The following MAGI1 variants were observed in gnomAD, a reference collection of about 807,000 sequenced individuals.
MAGI1 encodes the protein membrane associated guanylate kinase, WW and PDZ domain containing 1.
Under a neutral mutation model 139.9 loss-of-function variants are expected in MAGI1, and 58 were observed. That is an observed-to-expected ratio of 0.41 (90% confidence interval 0.34 to 0.52). The LOEUF (loss-of-function observed/expected upper bound fraction) is 0.52. MAGI1 is among the 20% of genes least tolerant of loss of function. MAGI1 has a pLI of 0.12. For synonymous variants in MAGI1, 812 were observed against 737.9 expected (o/e 1.10, Z -1.63); for missense variants, 1,874 against 1,901.6 (o/e 0.99, Z 0.27).
At chr3:65,584,979 C>T (rs1448390334) in intron 2 of MAGI1, among the ~76,000 whole-genome samples, 1 of 152,188 alleles carries the variant, frequency 6.6e-6, no homozygotes, top group Non-Finnish European at 1.5e-5. Context: ...AATTGATTCA[C>T]CTAAGTCAGT....
At chr3:65,555,225 C>T (rs990351526) in intron 2 of MAGI1, among the ~76,000 whole-genome samples, 1 of 152,210 alleles carries the variant, frequency 6.6e-6, no homozygotes, top group Non-Finnish European at 1.5e-5. Flanking sequence ...ATGCTAGGCC[C>T]TTCCAGAGGC....
intron 1 of MAGI1, among the ~76,000 whole-genome samples, chr3:66,017,305 G>C (rs1285966682): frequency 6.6e-6 from 1 of 152,218 alleles, no homozygotes; most frequent in Admixed American, 6.5e-5. Flanking sequence ...TGGAAAAACC[G>C]GGAAGCTCCG....
At chr3:65,880,847 C>T (rs1278958162) in intron 1 of MAGI1, among the ~76,000 whole-genome samples, 1 of 152,010 alleles carries the variant, frequency 6.6e-6, no homozygotes, top group Admixed American at 6.6e-5. Context: ...GGACACATCT[C>T]AGCAATATCT....
At chr3:65,909,999 A>G (rs1365359233) in intron 1 of MAGI1, among the ~76,000 whole-genome samples, 1 of 152,112 alleles carries the variant, frequency 6.6e-6, no homozygotes, top group East Asian at 1.9e-4. Flanking sequence ...TCACACTCCA[A>G]TGAGAATCTA....
At chr3:65,683,562 G>A (rs2087746561) in intron 1 of MAGI1, among the ~76,000 whole-genome samples, 1 of 151,470 alleles carries the variant, frequency 6.6e-6, no homozygotes, top group Non-Finnish European at 1.5e-5. Flanking sequence ...CAAGTATCTA[G>A]AACATATAAA....
Position 65,356,454 on chromosome 3 carries a change from G to A in MAGI1, c.4313C>T (p.Ala1438Val), listed in dbSNP as rs886154222. ...CGGGGGATGTCTGGAACTTCTGCCG[G>A]CATCCTGTTTCAGATTCGCCTCTTC... is the stretch of plus-strand genomic sequence containing the variant. ...EREEANLKQD[A>V]GRSSRHPPEQ... Residue 1438 changes from alanine (A) to valine (V), a missense_variant, in exon 23 of 23, where the codon GCC (alanine) becomes GTC (valine). By Grantham distance (64) the Ala-to-Val change is moderately conservative (BLOSUM62 0). Transcript: ENST00000402939. 2.5e-6 allele frequency: 4 copies of A among 1,611,578 alleles called. No homozygotes were observed. The highest frequency in any genetic ancestry group is 1.6e-4 in the Middle Eastern group (1 of 6,082).
At chr3:65,890,581 A>G (rs765103661) in intron 1 of MAGI1, among the ~76,000 whole-genome samples, 16 of 152,364 alleles carry the variant, frequency 1.1e-4, no homozygotes, top group Admixed American at 9.8e-4. Flanking sequence ...TTGCAAGAAC[A>G]TTCCAACTTT....
chr3:66,037,384 TCCCCCTCC>T (rs1328460917), intron 1 of MAGI1, among the ~76,000 whole-genome samples: 1 of 151,906 alleles, frequency 6.6e-6, no homozygotes, highest in Admixed American at 6.6e-5. Flanking sequence ...CTTCCCCCTC[TCCCCCTCC>T]CAAGTGTATG....
chr3:65,729,832 CA>C (rs2034004773), intron 1 of MAGI1, among the ~76,000 whole-genome samples: 1 of 152,178 alleles, frequency 6.6e-6, no homozygotes, highest in Admixed American at 6.5e-5. Flanking sequence ...GATTTTAAAA[CA>C]AGCCGTTAGC....
At chr3:65,796,816 G>A (rs185876795) in intron 1 of MAGI1, among the ~76,000 whole-genome samples, 178 of 152,230 alleles carry the variant, frequency 1.2e-3, no homozygotes, top group South Asian at 2.1e-3. Context: ...ATGGGAAAGC[G>A]GCCTTGTACT....
chr3:65,472,261 A>G (rs1950599813), intron 4 of MAGI1, among the ~76,000 whole-genome samples: 1 of 152,154 alleles, frequency 6.6e-6, no homozygotes, highest in Admixed American at 6.5e-5. Context: ...GAAGCCAACA[A>G]AGATTCATTT....
intron 1 of MAGI1, among the ~76,000 whole-genome samples, chr3:65,935,729 A>C (rs2063020263): frequency 6.6e-6 from 1 of 152,246 alleles, no homozygotes; most frequent in African/African-American, 2.4e-5. Context: ...TGAGCTCTGA[A>C]GAAAGGGCCT....
chr3:65,511,254 C>A (rs927299154), intron 2 of MAGI1, among the ~76,000 whole-genome samples: 2 of 150,060 alleles, frequency 1.3e-5, no homozygotes, highest in Non-Finnish European at 3.0e-5. Flanking sequence ...AACTAATGAG[C>A]AAAATAACCA....
intron 12 of MAGI1, among the ~76,000 whole-genome samples, chr3:65,410,704 T>C (rs1249450147): frequency 6.6e-6 from 1 of 152,106 alleles, no homozygotes; most frequent in Non-Finnish European, 1.5e-5. Flanking sequence ...GTATGCACAG[T>C]CAATCAATTT....
At chr3:65,431,009 T>A in intron 10 of MAGI1, 128 bp from the exon 11 acceptor site, 1 of 831,900 alleles carries the variant, frequency 1.2e-6, no homozygotes, top group Non-Finnish European at 1.9e-6. Flanking sequence ...TATAGCATCT[T>A]AAGAAAGTCC....
At chr3:65,915,280 T>A (rs994541528) in intron 1 of MAGI1, among the ~76,000 whole-genome samples, 3 of 152,216 alleles carry the variant, frequency 2.0e-5, no homozygotes, top group African/African-American at 7.2e-5. Context: ...ATATTTAGCA[T>A]TAATTCTGTT....
intron 1 of MAGI1, among the ~76,000 whole-genome samples, chr3:65,644,169 A>G (rs962965167): frequency 7.9e-5 from 12 of 152,184 alleles, no homozygotes; most frequent in African/African-American, 1.4e-4. Flanking sequence ...GGTGTCAGAT[A>G]AAACCATCTA....
rs563469250 is a variant in MAGI1 at position 65,493,623 on chromosome 3, G to T, written c.439C>A (p.Arg147=). 2 of 1,613,856 alleles carry T rather than the reference G, an allele frequency of 1.2e-6. No homozygotes were observed. The highest frequency in any genetic ancestry group is 3.3e-5 in the Admixed American group (2 of 59,994). ...LYRHAVPCTT[R]SPREGEVPGV... is the part of the protein sequence containing the mutation. Reference sequence around the variant, plus strand: ...GGCACTTCTCCTTCTCTGGGAGATCGGGTTGTGCCTGTAGCAGAAAATACA... The same window carrying T: ...GGCACTTCTCCTTCTCTGGGAGATCTGGTTGTGCCTGTAGCAGAAAATACA... Residue 147 remains arginine (R), a synonymous_variant, in exon 3 of 23, where the codon CGA becomes AGA. Coordinates refer to ENST00000402939, the MANE Select transcript of MAGI1 (RefSeq NM_001033057.2).
At chr3:65,461,970 T>C (rs1949827799) in intron 5 of MAGI1, among the ~76,000 whole-genome samples, 1 of 152,128 alleles carries the variant, frequency 6.6e-6, no homozygotes, top group African/African-American at 2.4e-5. Flanking sequence ...TTTGATAGGG[T>C]TGTTTTTTTC....
Sources: allele counts gnomAD v4.1 joint callset (sites outside exome capture counted in the v4.1 genomes callset), GRCh38; gene constraint gnomAD v4.1.1; transcripts MANE v1.5; gene names NCBI Gene and HGNC (gene_info 2026-07-23, HGNC 2026-07-21).